Variants in SETX observed in about 807,000 individuals in gnomAD.
SETX encodes the protein helicase senataxin.
In SETX, 90 loss-of-function variants were observed where a neutral mutation model predicts 227.2. The ratio of observed to expected loss-of-function variants is 0.40; its 90% CI spans 0.33 to 0.47. The LOEUF (loss-of-function observed/expected upper bound fraction) is 0.47, where lower values mean the gene tolerates loss of function less well. SETX is among the 20% of genes least tolerant of loss of function. SETX has a pLI of 0.91. For synonymous variants in SETX, 1,210 were observed against 1,113.2 expected, an observed-to-expected ratio of 1.09 and a Z score of -1.73; for missense variants, 3,052 against 3,181.5, an observed-to-expected ratio of 0.96 and a Z score of 0.98.
chr9:132,325,079 A>G (rs497465), intron 10 of SETX, among the ~76,000 whole-genome samples: 137,582 of 152,282 alleles, frequency 0.9, 62,288 homozygotes, highest in Non-Finnish European at 0.93. Flanking sequence ...ACTGGCGGCC[A>G]GACGCAGTGG....
At chr9:132,322,154 T>A (rs1231342149) in intron 10 of SETX, among the ~76,000 whole-genome samples, 2 of 152,230 alleles carry the variant, frequency 1.3e-5, no homozygotes, top group Non-Finnish European at 2.9e-5. Flanking sequence ...CATGTTTTCC[T>A]AGGCATCTTT....
At chr9:132,281,984 T>C (rs1446522749) in intron 19 of SETX, among the ~76,000 whole-genome samples, 1 of 137,710 alleles carries the variant, frequency 7.3e-6, no homozygotes, top group Non-Finnish European at 1.5e-5. Flanking sequence ...ATCACATCAC[T>C]GCACTCCGGT....
Position 132,296,894 on chromosome 9 carries a change from A to C in SETX, c.5942T>G (p.Leu1981Arg), listed in dbSNP as rs761941851. 4.3e-6 allele frequency: 7 copies of C among 1,613,994 alleles called. No homozygotes were observed. The highest frequency in any genetic ancestry group is 5.9e-6 in the Non-Finnish European group (7 of 1,179,892). ...GCCCTCACCCATACCTACCTCTGTC[A>C]GTAGACGATAGAGGAGGCCAACAAT... ...KTIVGLLYRL[L>R]TENQRKGHSD... The change falls in exon 14 of 26, where the codon CTG becomes CGG. Residue 1981 changes from leucine to arginine, a missense_variant. Leu to Arg is a moderately radical substitution (Grantham distance 102, BLOSUM62 -2). This residue lies in a region of SETX where 412 missense variants were observed against 589.0 expected (regional missense o/e 0.70). Transcript: ENST00000224140.
chr9:132,330,236 GA>G lies in SETX; in HGVS notation c.1361del (p.Val454AlafsTer7), dbSNP rs760113222. On this transcript the variant is annotated frameshift_variant, in exon 10 of 26. Coordinates refer to ENST00000224140, the MANE Select transcript of SETX (RefSeq NM_015046.7). LOFTEE classifies it high-confidence loss of function. Reference protein sequence around the residue: ...LNQTDAVCDKVTEFFLLILVS... With the variant: ...LNQTDAVCDKXTEFFLLILVS... ...CCAAAATTAGAAGAAAAAATTCAGT[GA>G]CTTTGTCACACACAGCATCTGTTTG... 1 of 1,570,280 alleles carries G rather than the reference GA, an allele frequency of 6.4e-7. No individual in the cohort carries two copies. Among genetic ancestry groups the G allele is most frequent in the South Asian group, 1.2e-5 (1 of 83,320 alleles).
In SETX at chr9:132,329,195, C is replaced by A; in HGVS notation, c.2403G>T (p.Lys801Asn). Residue 801 changes from lysine (K) to asparagine (N), a missense_variant, in exon 10 of 26, where the codon AAG becomes AAT. Lys to Asn is a moderately conservative substitution (Grantham distance 94). Transcript: ENST00000224140. Reference protein sequence around the residue: ...LSHVIKKQHRKSTLVDNTINL... With the variant: ...LSHVIKKQHRNSTLVDNTINL... ...TGATAGTATTATCGACCAAAGTACT[C>A]TTCCTGTGTTGCTTCTTTATTACAT... The A allele has an allele frequency of 6.2e-7, 1 of 1,613,638 alleles. No individual in the cohort carries two copies. The highest frequency in any genetic ancestry group is 1.7e-5 in the Admixed American group (1 of 59,996).
chr9:132,304,935 C>T (rs1395709460), intron 11 of SETX, among the ~76,000 whole-genome samples: 10 of 151,400 alleles, frequency 6.6e-5, no homozygotes, highest in Non-Finnish European at 1.3e-4. Context: ...AGGCGGGATG[C>T]AGTGAGCTGA....
At chr9:132,275,060 A>G in intron 23 of SETX, 196 bp downstream of exon 23, 6 of 590,668 alleles carry the variant, frequency 1.0e-5, no homozygotes, top group Non-Finnish European at 1.8e-5. Context: ...TGACATTCCA[A>G]CTGCCAGGAA....
chr9:132,269,479 G>A (rs375949756), intron 25 of SETX, 136 bp downstream of exon 25: 32 of 1,595,616 alleles, frequency 2.0e-5, no homozygotes, highest in Non-Finnish European at 2.7e-5. Context: ...AAAGCTCCTA[G>A]GAAGAAGTTG....
intron 1 of SETX, among the ~76,000 whole-genome samples, chr9:132,354,516 AAAG>A (rs1848792204): frequency 6.6e-6 from 1 of 151,670 alleles, no homozygotes; most frequent in African/African-American, 2.4e-5. Flanking sequence ...AAAAAAGAAA[AAAG>A]AAAAAAAAAC....
chr9:132,300,252 T>A (rs1310593830), intron 12 of SETX, among the ~76,000 whole-genome samples: 2 of 151,698 alleles, frequency 1.3e-5, no homozygotes, highest in African/African-American at 4.8e-5. Flanking sequence ...CGGATGGAAG[T>A]GATGTAAGCA....
rs1848725421 is a variant in SETX at position 132,353,745 on chromosome 9, A to G, written c.-104T>C. ...CATATATGCCCAGACTCTGGCCCCA[A>G]AAGAACATTTCTGAAATTAAAAAAC... is the stretch of plus-strand genomic sequence containing the variant. On this transcript the variant is annotated 5_prime_UTR_variant, in exon 2 of 26. Coordinates refer to ENST00000224140, the MANE Select transcript of SETX (RefSeq NM_015046.7). The G allele has an allele frequency of 6.6e-6, 1 of 152,292 alleles. No individual in the cohort carries two copies. The highest frequency in any genetic ancestry group is 1.9e-4 in the East Asian group (1 of 5,196). 9.4% of individuals were successfully genotyped at this position (152,292 alleles called of 1,614,324 possible).
chr9:132,328,990 TTAATTG>T lies in SETX; in HGVS notation c.2602_2607del (p.Gln868_Leu869del), dbSNP rs1306277389. ...GAGAAAATAACTAATTCTTCATTCTTTAATTGTTTCTCTTTTGGCAATACATTGTTT... is the reference window on the plus strand; with the variant it reads ...GAGAAAATAACTAATTCTTCATTCTTTTTCTCTTTTGGCAATACATTGTTT... On this transcript the variant is annotated inframe_deletion, in exon 10 of 26. Transcript: ENST00000224140. 3.1e-6 allele frequency: 5 copies of T among 1,606,652 alleles called. No homozygotes were observed. Among genetic ancestry groups the T allele is most frequent in the Non-Finnish European group, 4.2e-6 (5 of 1,177,526 alleles).
At chr9:132,343,466 G>A (rs547677535) in intron 4 of SETX, among the ~76,000 whole-genome samples, 8 of 152,226 alleles carry the variant, frequency 5.3e-5, no homozygotes, top group Non-Finnish European at 1.0e-4. Flanking sequence ...GACTTTATCT[G>A]ATACAAAAAC....
intron 20 of SETX, among the ~76,000 whole-genome samples, chr9:132,281,132 TTAAAA>T (rs1426956758): frequency 1.3e-5 from 2 of 152,192 alleles, no homozygotes; most frequent in African/African-American, 4.8e-5. Context: ...GTTTGTATGA[TTAAAA>T]TAAATCAGAT....
intron 20 of SETX, 76 bp from the exon 21 acceptor site, chr9:132,278,333 G>A: frequency 1.4e-6 from 2 of 1,416,060 alleles, no homozygotes; most frequent in Non-Finnish European, 2.0e-6. Context: ...CACAATTACT[G>A]AGATCTAATA....
At chr9:132,295,822 A>T in intron 15 of SETX, 50 bp downstream of exon 15, 1 of 1,565,296 alleles carries the variant, frequency 6.4e-7, no homozygotes, top group East Asian at 2.3e-5. Context: ...AGTTGCCTAC[A>T]CTTAACACTG....
At chr9:132,339,908 C>T (rs1316893217) in intron 5 of SETX, among the ~76,000 whole-genome samples, 1 of 152,186 alleles carries the variant, frequency 6.6e-6, no homozygotes, top group African/African-American at 2.4e-5. Context: ...AGTCACCGTG[C>T]CCAGCCATAT....
intron 19 of SETX, among the ~76,000 whole-genome samples, chr9:132,282,296 C>A (rs1843580321): frequency 6.9e-6 from 1 of 145,536 alleles, no homozygotes; most frequent in African/African-American, 2.7e-5. Flanking sequence ...TATTTTTTAA[C>A]TTATTTTTTT....
chr9:132,341,158 C>G (rs7847936), intron 5 of SETX, among the ~76,000 whole-genome samples: 2 of 151,948 alleles, frequency 1.3e-5, no homozygotes, highest in Non-Finnish European at 1.5e-5. Context: ...ACCAGCCTGG[C>G]CAACCTGGTG....
Sources: allele counts gnomAD v4.1 joint callset (sites outside exome capture counted in the v4.1 genomes callset), GRCh38; gene constraint gnomAD v4.1.1; regional missense constraint gnomAD v4.1.1; transcripts MANE v1.5; gene names NCBI Gene and HGNC (gene_info 2026-07-23, HGNC 2026-07-21).